AKAP12: variants seen among roughly 807,000 people sequenced by gnomAD.
The protein encoded by AKAP12 is A-kinase anchoring protein 12.
In AKAP12, 32 loss-of-function variants were observed where a neutral mutation model predicts 79.9. The ratio of observed to expected loss-of-function variants is 0.40; its 90% confidence interval spans 0.30 to 0.54. AKAP12 has a LOEUF of 0.54. Ranked by LOEUF, AKAP12 falls within the 20% of genes least tolerant of loss-of-function variation. The pLI is 0.48. For synonymous variants in AKAP12, 808 were observed against 857.0 expected, an observed-to-expected ratio of 0.94 and a Z score of 1.00; for missense variants, 2,074 against 2,177.0, an observed-to-expected ratio of 0.95 and a Z score of 0.94.
At chr6:151,348,681 C>G in intron 3 of AKAP12, 30 bp from the exon 4 acceptor site, 12 of 218,344 alleles carry the variant, frequency 5.5e-5, no homozygotes, top group Middle Eastern at 1.3e-3. Context: ...TTTCTCTTCT[C>G]CCCACCCCCC....
At chr6:151,331,986 C>G in intron 3 of AKAP12, among the ~76,000 whole-genome samples, 1 of 150,438 alleles carries the variant, frequency 6.6e-6, no homozygotes, top group East Asian at 2.0e-4. Flanking sequence ...GTCTCAGCCT[C>G]CCAAGTAGCT....
intron 2 of AKAP12, among the ~76,000 whole-genome samples, chr6:151,303,208 A>C (rs1186180589): frequency 6.6e-6 from 1 of 152,188 alleles, no homozygotes; most frequent in Non-Finnish European, 1.5e-5. Flanking sequence ...AAAATAAAAA[A>C]AAGAAATACT....
chr6:151,283,722 A>C (rs1193017201), intron 2 of AKAP12, among the ~76,000 whole-genome samples: 3 of 152,254 alleles, frequency 2.0e-5, no homozygotes, highest in Non-Finnish European at 4.4e-5. Context: ...GACAGAATTC[A>C]GTATAAAGAC....
intron 4 of AKAP12, among the ~76,000 whole-genome samples, chr6:151,354,395 AC>A (rs1778388181): frequency 7.0e-6 from 1 of 143,362 alleles, no homozygotes; most frequent in Admixed American, 7.0e-5. Context: ...TTTTCTTGAG[AC>A]GGAGTCTCGC....
At chr6:151,341,489 G>A (rs1315365329) in intron 3 of AKAP12, among the ~76,000 whole-genome samples, 3 of 152,324 alleles carry the variant, frequency 2.0e-5, no homozygotes, top group South Asian at 4.1e-4. Flanking sequence ...AGGACCCCCG[G>A]GGGTTTCCTG....
intron 2 of AKAP12, among the ~76,000 whole-genome samples, chr6:151,296,728 G>A (rs955293999): frequency 1.3e-5 from 2 of 152,194 alleles, no homozygotes; most frequent in Non-Finnish European, 1.5e-5. Flanking sequence ...AGTGAGCCGA[G>A]ATCACGCCAC....
At chr6:151,284,743 G>C (rs9322311) in intron 2 of AKAP12, among the ~76,000 whole-genome samples, 12 of 152,086 alleles carry the variant, frequency 7.9e-5, no homozygotes, top group African/African-American at 2.2e-4. Flanking sequence ...AACTTTTTCT[G>C]GTACACTTTC....
chr6:151,315,047 G>C (rs1562734727), intron 3 of AKAP12, among the ~76,000 whole-genome samples: 1 of 140,284 alleles, frequency 7.1e-6, no homozygotes, highest in Non-Finnish European at 1.5e-5. Context: ...GTGAGACTCT[G>C]TCTCAAGAAA....
intron 3 of AKAP12, among the ~76,000 whole-genome samples, chr6:151,321,656 C>G (rs1184719123): frequency 6.6e-6 from 1 of 152,046 alleles, no homozygotes; most frequent in Non-Finnish European, 1.5e-5. Flanking sequence ...CATTGATGGA[C>G]AAGTTTTTCT....
chr6:151,351,131 A>G lies in AKAP12; in HGVS notation c.2740A>G (p.Ile914Val). ...TIIEERSPSW[I>V]SASVTEPLEQ... ...TATTGAAGAAAGGTCTCCTTCTTGG[A>G]TATCTGCTTCAGTGACAGAACCTCT... Residue 914 changes from isoleucine (I) to valine (V), a missense_variant, in exon 4 of 5, where the codon ATA (isoleucine) becomes GTA (valine). Physicochemically the swap from Ile to Val is conservative, Grantham distance 29. Transcript: ENST00000402676. This position sits in a 1 kb window ranked among gnomAD's most constrained non-coding sequence, Gnocchi z 4.4. 3 of 1,614,226 alleles carry G rather than the reference A, an allele frequency of 1.9e-6. No individual in the cohort carries two copies. The highest frequency in any genetic ancestry group is 2.5e-6 in the Non-Finnish European group (3 of 1,180,050).
Position 151,322,942 on chromosome 6 carries a change from A to G in AKAP12, c.319+17039A>G, listed in dbSNP as rs567813893. Among the ~76,000 whole-genome samples the G allele has an allele frequency of 3.3e-5, 5 of 152,386 alleles. No homozygotes were observed. The East Asian group carries it at 7.7e-4, about 23-fold the overall frequency. On this transcript the variant is annotated intron_variant, in intron 3 of 4. Coordinates refer to ENST00000402676, the MANE Select transcript of AKAP12 (RefSeq NM_005100.4). Reference sequence around the variant, plus strand: ...TGTATTATACAGCAAAATGTTTCCTATAATTCTTGCTTTGGGTGGTGATGT... The same window carrying G: ...TGTATTATACAGCAAAATGTTTCCTGTAATTCTTGCTTTGGGTGGTGATGT...
intron 3 of AKAP12, among the ~76,000 whole-genome samples, chr6:151,346,841 C>CA (rs1269879162): frequency 6.6e-6 from 1 of 152,160 alleles, no homozygotes; most frequent in East Asian, 1.9e-4. Context: ...AAAATTCTAA[C>CA]AATAATGACT....
chr6:151,333,914 G>A (rs1447246059), intron 3 of AKAP12, among the ~76,000 whole-genome samples: 3 of 151,992 alleles, frequency 2.0e-5, no homozygotes, highest in Non-Finnish European at 2.9e-5. Context: ...GAGGAGGTGA[G>A]GAGGGGGAGG....
In AKAP12 at chr6:151,291,217, TC is replaced by T. The variant is rs1562723870; in HGVS notation, c.163-14527del. On this transcript the variant is annotated intron_variant, in intron 2 of 4. Coordinates refer to ENST00000402676, the MANE Select transcript of AKAP12 (RefSeq NM_005100.4). The stretch of plus-strand genomic sequence containing the variant: ...GGAAACTACTAATATGTGGGTCCTT[TC>T]CCAGAGATTCTGACTTAATTGGGTT... Among the ~76,000 whole-genome samples the T allele has an allele frequency of 2.0e-5, 3 of 152,270 alleles. No homozygotes were observed. In the East Asian group the frequency reaches 5.8e-4, roughly 29 times the overall value.
chr6:151,293,533 G>T (rs936266327), intron 2 of AKAP12, among the ~76,000 whole-genome samples: 8 of 152,184 alleles, frequency 5.3e-5, no homozygotes. Flanking sequence ...TCAGAGCAGC[G>T]GGTGGTGGGG....
At position 151,353,583 on chromosome 6, in the gene AKAP12, A is replaced by G. The variant is rs1418919537; in HGVS notation, c.5192A>G (p.Asn1731Ser). Residue 1731 changes from asparagine to serine, a missense_variant, in exon 4 of 5, where the codon AAT (asparagine) becomes AGT (serine). By Grantham distance (46) the Asn-to-Ser change is conservative (BLOSUM62 1). This residue lies in a region of AKAP12 where 614 missense variants were observed against 665.6 expected (regional missense o/e 0.92). Coordinates refer to ENST00000402676, the MANE Select transcript of AKAP12 (RefSeq NM_005100.4). ...GGLTKESPDT[N>S]GPKQKEKEDA... ...TTAACCAAAGAGTCCCCAGATACAA[A>G]TGGACCAAAACAAAAAGAGAAGGAG... The G allele has an allele frequency of 3.1e-6, 5 of 1,614,050 alleles. No homozygotes were observed. In the African/African-American group the frequency reaches 5.3e-5, roughly 17 times the overall value.
chr6:151,328,896 CT>C (rs898224028), intron 3 of AKAP12, among the ~76,000 whole-genome samples: 27 of 152,226 alleles, frequency 1.8e-4, no homozygotes, highest in African/African-American at 5.8e-4. Flanking sequence ...CCCCTCCCCC[CT>C]GCCACACACA....
At chr6:151,289,747 A>G (rs906651503) in intron 2 of AKAP12, among the ~76,000 whole-genome samples, 7 of 152,238 alleles carry the variant, frequency 4.6e-5, no homozygotes, top group African/African-American at 1.7e-4. Context: ...AAGAAAAAGA[A>G]GCACAGGGAT....
At chr6:151,322,399 A>G in intron 3 of AKAP12, among the ~76,000 whole-genome samples, 1 of 152,254 alleles carries the variant, frequency 6.6e-6, no homozygotes, top group South Asian at 2.1e-4. Flanking sequence ...AAAGTCTTTA[A>G]CATGTCATTC....
Sources: allele counts gnomAD v4.1 joint callset (sites outside exome capture counted in the v4.1 genomes callset), GRCh38; gene constraint gnomAD v4.1.1; regional missense constraint gnomAD v4.1.1; non-coding constraint Gnocchi (gnomAD v3.1); transcripts MANE v1.5; gene names NCBI Gene and HGNC (gene_info 2026-07-23, HGNC 2026-07-21).